The following PLD5 variants were observed in gnomAD, a reference collection of about 807,000 sequenced individuals.
PLD5 encodes the protein phospholipase D family member 5, also known as inactive phospholipase D5.
Under a neutral mutation model 61.1 loss-of-function variants are expected in PLD5, and 36 were observed. The observed-to-expected ratio is 0.59, with a 90% confidence interval of 0.45 to 0.78. PLD5 has a LOEUF of 0.78. PLD5 is among the 30% of genes least tolerant of loss of function. The pLI is 0.00. For missense variants in PLD5, 515 were observed against 644.4 expected, an observed-to-expected ratio of 0.80 and a Z score of 2.17; for synonymous variants, 243 against 242.8, an observed-to-expected ratio of 1.00 and a Z score of -0.01.
intron 5 of PLD5, chr1:242,178,476 T>C (rs1667314014): frequency 6.6e-6 from 1 of 152,230 alleles, no homozygotes; most frequent in African/African-American, 2.4e-5. Context: ...AAATCCATCA[T>C]AAGGCTGTAT....
chr1:242,130,054 CTTTTTTT>C (rs561595174), intron 5 of PLD5, among the ~76,000 whole-genome samples: 1 of 143,096 alleles, frequency 7.0e-6, no homozygotes, highest in Non-Finnish European at 1.5e-5. Flanking sequence ...TGATGAACAT[CTTTTTTT>C]TTTTTTTTGA....
chr1:242,512,197 G>C (rs146698932), intron 1 of PLD5, among the ~76,000 whole-genome samples: 1 of 151,674 alleles, frequency 6.6e-6, no homozygotes, highest in East Asian at 1.9e-4. Flanking sequence ...AGATCACGAG[G>C]TCAGGAGATC....
At chr1:242,166,322 A>G (rs1031164194) in intron 5 of PLD5, among the ~76,000 whole-genome samples, 1 of 152,230 alleles carries the variant, frequency 6.6e-6, no homozygotes, top group Non-Finnish European at 1.5e-5. Context: ...GAAGCGTTCC[A>G]TAAAAGGCAT....
rs143555987 is a variant in PLD5, at chr1:242,338,127, C to A, written c.326+9979G>T. On this transcript the variant is annotated intron_variant, in intron 2 of 9. Transcript: ENST00000536534. ...GTTGAAAATTTTTTGTCAGTATAGT[C>A]TTTGTGACCATGGCAATTACTTTAA... Among the ~76,000 whole-genome samples the A allele has an allele frequency of 2.5e-3, 374 of 152,258 alleles. 1 individual carries two copies. Among genetic ancestry groups the A allele is most frequent in the African/African-American group, 8.8e-3 (364 of 41,560 alleles).
intron 5 of PLD5, among the ~76,000 whole-genome samples, chr1:242,134,069 A>G (rs1663511875): frequency 6.6e-6 from 1 of 152,156 alleles, no homozygotes; most frequent in African/African-American, 2.4e-5. Flanking sequence ...CCCTTTTCAA[A>G]TCCCTCGAAG....
chr1:242,411,299 G>A (rs1049198998), intron 1 of PLD5, among the ~76,000 whole-genome samples: 2 of 152,102 alleles, frequency 1.3e-5, no homozygotes, highest in African/African-American at 2.4e-5. Flanking sequence ...GCAGTGGCAC[G>A]ATCTCGGCTC....
At chr1:242,301,194 T>C (rs1676015434) in intron 2 of PLD5, among the ~76,000 whole-genome samples, 1 of 152,134 alleles carries the variant, frequency 6.6e-6, no homozygotes, top group Non-Finnish European at 1.5e-5. Flanking sequence ...TAGCACTGGC[T>C]GTGCCTGGGT....
intron 1 of PLD5, among the ~76,000 whole-genome samples, chr1:242,472,907 A>G (rs963291908): frequency 6.6e-6 from 1 of 152,204 alleles, no homozygotes; most frequent in Non-Finnish European, 1.5e-5. Context: ...TTTGAGTCTT[A>G]AAGATTATTT....
chr1:242,107,369 G>A (rs1661141859), intron 8 of PLD5, among the ~76,000 whole-genome samples: 1 of 152,040 alleles, frequency 6.6e-6, no homozygotes, highest in African/African-American at 2.4e-5. Context: ...CCGGGATTGT[G>A]CTACTGCACT....
At chr1:242,404,897 T>TTTTTTTTTTTA (rs1664145791) in intron 1 of PLD5, among the ~76,000 whole-genome samples, 1 of 144,230 alleles carries the variant, frequency 6.9e-6, no homozygotes, top group Non-Finnish European at 1.5e-5. Flanking sequence ...TTTTTTTTTT[T>TTTTTTTTTTTA]GAGATGTAGT....
intron 1 of PLD5, among the ~76,000 whole-genome samples, chr1:242,379,169 T>C (rs1413657067): frequency 6.6e-6 from 1 of 152,186 alleles, no homozygotes; most frequent in African/African-American, 2.4e-5. Context: ...TCAACTTAAA[T>C]GTAACAGGGA....
At chr1:242,285,288 G>A (rs917563844) in intron 3 of PLD5, among the ~76,000 whole-genome samples, 10 of 152,128 alleles carry the variant, frequency 6.6e-5, no homozygotes, top group African/African-American at 2.4e-4. Context: ...ATGACTTGAG[G>A]TCAGTTCAAG....
At chr1:242,409,642 G>A (rs1432488925) in intron 1 of PLD5, among the ~76,000 whole-genome samples, 1 of 152,198 alleles carries the variant, frequency 6.6e-6, no homozygotes, top group Non-Finnish European at 1.5e-5. Flanking sequence ...CCAAACCCCA[G>A]AGAGGAAACC....
At chr1:242,173,605 A>C (rs1666911536) in intron 5 of PLD5, among the ~76,000 whole-genome samples, 1 of 152,222 alleles carries the variant, frequency 6.6e-6, no homozygotes, top group Non-Finnish European at 1.5e-5. Context: ...CTAAGCCAAA[A>C]GTACAAAGCT....
At chr1:242,529,803 C>CTTCCTTCCTTCCTTCA in the PLD5 span, among the ~76,000 whole-genome samples, 3 of 120,112 alleles carry the variant, frequency 2.5e-5, no homozygotes, top group African/African-American at 8.2e-5. Flanking sequence ...TCCTTCCTTC[C>CTTCCTTCCTTCCTTCA]TTCCTTCCTT....
upstream of PLD5, among the ~76,000 whole-genome samples, chr1:242,526,880 C>T (rs1447028188): frequency 6.6e-6 from 1 of 152,080 alleles, no homozygotes; most frequent in Non-Finnish European, 1.5e-5. Context: ...ATGTTATTGC[C>T]CTTCTGCAAA....
In PLD5 at chr1:242,524,526, G is replaced by T; in HGVS notation, c.-250C>A. ...AGGAGGGAGGGCGAGGTGCGGGCGGGGGCGGGGGCGGGGGCGGAGGGGGAC... is the reference window on the plus strand; with the variant it reads ...AGGAGGGAGGGCGAGGTGCGGGCGGTGGCGGGGGCGGGGGCGGAGGGGGAC... On this transcript the variant is annotated 5_prime_UTR_variant, in exon 1 of 10. Coordinates refer to ENST00000536534, the MANE Select transcript of PLD5 (RefSeq NM_001372062.1). The T allele has an allele frequency of 5.8e-6, 1 of 171,004 alleles. No homozygotes were observed. The highest frequency in any genetic ancestry group is 2.2e-4 in the South Asian group (1 of 4,446). The allele number at this position is 171,004 out of a possible 1,614,324, so 10.6% of individuals were successfully genotyped here.
At chr1:242,136,560 T>C (rs1449227865) in intron 5 of PLD5, among the ~76,000 whole-genome samples, 1 of 152,110 alleles carries the variant, frequency 6.6e-6, no homozygotes, top group Non-Finnish European at 1.5e-5. Context: ...AACTGAATCC[T>C]TGTCTAATCC....
At chr1:242,117,867 C>A (rs954372977) in intron 6 of PLD5, among the ~76,000 whole-genome samples, 7 of 152,070 alleles carry the variant, frequency 4.6e-5, no homozygotes, top group Admixed American at 4.6e-4. Flanking sequence ...TTATTTAATT[C>A]CCTTAGCATG....
Sources: allele counts gnomAD v4.1 joint callset (sites outside exome capture counted in the v4.1 genomes callset), GRCh38; gene constraint gnomAD v4.1.1; transcripts MANE v1.5; gene names NCBI Gene and HGNC (gene_info 2026-07-23, HGNC 2026-07-21).